SLC35F1: variants seen among roughly 807,000 people sequenced by gnomAD.
SLC35F1 encodes the protein chromosome 6 open reading frame 169.
In SLC35F1, 14 loss-of-function variants were observed where a neutral mutation model predicts 48.7. That is an observed-to-expected ratio of 0.29 (90% CI 0.19 to 0.45). SLC35F1 has a LOEUF of 0.45. Ranked by LOEUF, SLC35F1 falls within the 20% of genes least tolerant of loss-of-function variation. The pLI is 1.00. For missense variants in SLC35F1, 404 were observed against 500.0 expected (o/e 0.81, Z 1.83); for synonymous variants, 190 against 202.2 (o/e 0.94, Z 0.51).
chr6:118,156,941 T>G (rs1327587348), intron 2 of SLC35F1, among the ~76,000 whole-genome samples: 1 of 150,814 alleles, frequency 6.6e-6, no homozygotes, highest in African/African-American at 2.5e-5. Context: ...TACCAATAAT[T>G]TATAGGTAGA....
rs1181529550 is a variant in SLC35F1, at chr6:117,907,484, G to GGGC, written c.-227_-225dup. ...GACGCGGCTCGGGAAGAGCCGGGGC[G>GGGC]GGCGGCGGCGGCGGCGGCACGGGCG... On this transcript the variant is annotated 5_prime_UTR_variant, in exon 1 of 8. Coordinates refer to ENST00000360388, the MANE Select transcript of SLC35F1 (RefSeq NM_001029858.4). 1.9e-4 allele frequency: 51 copies of GGGC among 267,606 alleles called. No homozygotes were observed. The highest frequency in any genetic ancestry group is 1.3e-3 in the South Asian group (9 of 6,814). 16.6% of individuals were successfully genotyped at this position (267,606 alleles called of 1,614,324 possible).
At chr6:118,112,287 T>C (rs1042452246) in intron 1 of SLC35F1, among the ~76,000 whole-genome samples, 1 of 151,970 alleles carries the variant, frequency 6.6e-6, no homozygotes, top group Admixed American at 6.6e-5. Flanking sequence ...GCATTTCTAA[T>C]TTTGCTTTAA....
intron 3 of SLC35F1, among the ~76,000 whole-genome samples, chr6:118,262,572 T>C (rs963604903): frequency 6.6e-6 from 1 of 152,202 alleles, no homozygotes; most frequent in African/African-American, 2.4e-5. Context: ...GCACTTGAAC[T>C]CCGATCTAGC....
intron 1 of SLC35F1, among the ~76,000 whole-genome samples, chr6:118,045,125 A>G (rs1772282477): frequency 6.6e-6 from 1 of 152,186 alleles, no homozygotes; most frequent in Admixed American, 6.6e-5. Flanking sequence ...TTTTCAGGAA[A>G]CAACTCTTTG....
chr6:118,254,988 C>G (rs955933969), intron 3 of SLC35F1, among the ~76,000 whole-genome samples: 8 of 152,028 alleles, frequency 5.3e-5, no homozygotes, highest in Non-Finnish European at 1.0e-4. Context: ...AGAGGAACAC[C>G]CCCAACCAGT....
At chr6:118,189,025 C>T (rs1034714206) in intron 2 of SLC35F1, among the ~76,000 whole-genome samples, 1 of 152,124 alleles carries the variant, frequency 6.6e-6, no homozygotes, top group African/African-American at 2.4e-5. Context: ...AATCCTCCCA[C>T]CTCAACCTCT....
intron 1 of SLC35F1, among the ~76,000 whole-genome samples, chr6:117,919,868 G>A (rs894289754): frequency 2.6e-5 from 4 of 152,152 alleles, no homozygotes; most frequent in Non-Finnish European, 5.9e-5. Flanking sequence ...CGCGGTACCT[G>A]TGGTTCCTGA....
rs140419570 is a variant in SLC35F1 at position 118,314,167 on chromosome 6, C to G, written c.1142C>G (p.Pro381Arg). ...CCTTCAGGACCTGTTGTGGACTTAC[C>G]GACCACAGCTCAGGTGGAACCCTCA... ...RNPSGPVVDL[P>R]TTAQVEPSVT... The change falls in exon 8 of 8, where the codon CCG (proline) becomes CGG (arginine). Residue 381 changes from proline (P) to arginine (R), a missense_variant. Physicochemically the swap from Pro to Arg is moderately radical, Grantham distance 103 (BLOSUM62 -2). Transcript: ENST00000360388. 1 of 1,614,120 alleles carries G rather than the reference C, an allele frequency of 6.2e-7. No homozygotes were observed. Among genetic ancestry groups the G allele is most frequent in the South Asian group, 1.1e-5 (1 of 91,076 alleles).
chr6:117,949,586 A>T (rs1776337021), intron 1 of SLC35F1, among the ~76,000 whole-genome samples: 1 of 152,140 alleles, frequency 6.6e-6, no homozygotes. Flanking sequence ...CTCAGAAAAA[A>T]AGCCTCCATC....
chr6:118,310,831 C>A (rs923073652), intron 7 of SLC35F1, among the ~76,000 whole-genome samples: 2 of 152,176 alleles, frequency 1.3e-5, no homozygotes, highest in Non-Finnish European at 2.9e-5. Context: ...GAATTTCTCG[C>A]TCAACCTGAT....
intron 1 of SLC35F1, among the ~76,000 whole-genome samples, chr6:117,989,071 G>C (rs1342224632): frequency 2.0e-5 from 3 of 152,154 alleles, no homozygotes; most frequent in Non-Finnish European, 2.9e-5. Flanking sequence ...AGCTGACTGG[G>C]ACTCAAGTCT....
chr6:117,950,449 A>G (rs755353671), intron 1 of SLC35F1, among the ~76,000 whole-genome samples: 2 of 152,150 alleles, frequency 1.3e-5, no homozygotes, highest in South Asian at 4.1e-4. Flanking sequence ...AGGACTAGTG[A>G]TTTTGATTTT....
At chr6:118,293,714 C>T (rs1247039873) in intron 7 of SLC35F1, among the ~76,000 whole-genome samples, 3 of 152,176 alleles carry the variant, frequency 2.0e-5, no homozygotes, top group Non-Finnish European at 4.4e-5. Flanking sequence ...TGGACAATGA[C>T]GACACATTCT....
At chr6:118,100,294 A>C (rs1452828254) in intron 1 of SLC35F1, among the ~76,000 whole-genome samples, 1 of 152,072 alleles carries the variant, frequency 6.6e-6, no homozygotes, top group Non-Finnish European at 1.5e-5. Context: ...TGAACCAAAT[A>C]GACCACTGAG....
At chr6:118,071,032 G>GTA (rs370276442) in intron 1 of SLC35F1, among the ~76,000 whole-genome samples, 1 of 314 alleles carries the variant, frequency 3.2e-3, no homozygotes, top group Non-Finnish European at 6.0e-3. Flanking sequence ...TATTCTACGT[G>GTA]TATATATATA....
At chr6:118,143,660 T>C (rs1015802353) in intron 1 of SLC35F1, among the ~76,000 whole-genome samples, 7 of 152,210 alleles carry the variant, frequency 4.6e-5, no homozygotes, top group African/African-American at 1.2e-4. Flanking sequence ...TGTATCATAA[T>C]GCAATTTTAT....
intron 1 of SLC35F1, among the ~76,000 whole-genome samples, chr6:117,960,705 T>C (rs1362386491): frequency 6.6e-6 from 1 of 152,096 alleles, no homozygotes; most frequent in Non-Finnish European, 1.5e-5. Context: ...AAAAGTTGTG[T>C]ATCAAGTGAT....
intron 1 of SLC35F1, among the ~76,000 whole-genome samples, chr6:117,926,534 A>G (rs557374321): frequency 1.3e-5 from 2 of 152,192 alleles, no homozygotes; most frequent in Admixed American, 6.5e-5. Flanking sequence ...GTACATGTGC[A>G]TGTGCACATA....
rs557746851 is a variant in SLC35F1 at position 118,062,913 on chromosome 6, AT to A, written c.174-91526del. ...TAAAAAAGAAATAGAGCAAGATATAATTTTTTAGGGGGTGAGTAATATTTGC... is the reference window on the plus strand; with the variant it reads ...TAAAAAAGAAATAGAGCAAGATATAATTTTTAGGGGGTGAGTAATATTTGC... On this transcript the variant is annotated intron_variant, in intron 1 of 7. Transcript: ENST00000360388. Among the ~76,000 whole-genome samples the A allele has an allele frequency of 5.3e-4, 81 of 152,196 alleles. 1 individual carries two copies. The Middle Eastern group carries it at 0.017, about 32-fold the overall frequency.
Sources: gnomAD v4.1 joint callset for allele counts (sites outside exome capture counted in the v4.1 genomes callset) on GRCh38, gnomAD v4.1.1 for gene constraint, MANE v1.5 for transcripts, NCBI Gene and HGNC (gene_info 2026-07-23, HGNC 2026-07-21) for gene names.